Variants in LRP1 observed in about 807,000 individuals in gnomAD.
LRP1 encodes the protein LDL receptor related protein 1.
In LRP1, 51 loss-of-function variants were observed where a neutral mutation model predicts 541.5. The observed-to-expected ratio is 0.09, with a 90% CI of 0.08 to 0.12. The LOEUF (loss-of-function observed/expected upper bound fraction) is 0.12, where lower values mean the gene tolerates loss of function less well. LRP1 is among the 10% of genes least tolerant of loss of function. The pLI is 1.00. For synonymous variants in LRP1, 2,219 were observed against 2,470.8 expected (o/e 0.90, Z 3.02); for missense variants, 3,878 against 6,376.2 (o/e 0.61, Z 13.34).
In LRP1 at chr12:57,198,342, G is replaced by T; in HGVS notation, c.9469G>T (p.Gly3157Trp). 1 of 1,612,794 alleles carries T rather than the reference G, an allele frequency of 6.2e-7. No homozygotes were observed. The highest frequency in any genetic ancestry group is 1.1e-5 in the South Asian group (1 of 91,046). The change falls in exon 59 of 89, where the codon GGG becomes TGG. Residue 3157 changes from glycine to tryptophan, a missense_variant and splice_region_variant. Coordinates refer to ENST00000243077, the MANE Select transcript of LRP1 (RefSeq NM_002332.3). ...PRALVVDVQN[G>W]YLYWTDWGDH... is the part of the protein sequence containing the mutation. ...GGCTCTGGTGGTGGATGTGCAGAAT[G>T]GGTATGTGGCTGAGGAGGGTTGGGG...
intron 44 of LRP1, among the ~76,000 whole-genome samples, chr12:57,191,845 CA>C: frequency 7.0e-5 from 1 of 14,268 alleles, no homozygotes; most frequent in African/African-American, 3.3e-4. Flanking sequence ...ATACCACACA[CA>C]CACCACACAC....
At position 57,177,315 on chromosome 12, in the gene LRP1, C is replaced by A; in HGVS notation, c.4196+70C>A. The A allele has an allele frequency of 6.3e-7, 1 of 1,578,890 alleles. No individual in the cohort carries two copies. The highest frequency in any genetic ancestry group is 8.7e-7 in the Non-Finnish European group (1 of 1,153,888). ...AAGTCCCATTCAGCCTGGCCAGGGA[C>A]ACCTTACTCCTCAGTGCCATCTGCC... On this transcript the variant is annotated intron_variant, in intron 25 of 88. Coordinates refer to ENST00000243077, the MANE Select transcript of LRP1 (RefSeq NM_002332.3). The surrounding 1 kb of genome is among the most constrained non-coding windows in gnomAD (Gnocchi z 6.8).
chr12:57,187,573 C>A, intron 42 of LRP1, 117 bp downstream of exon 42: 2 of 995,064 alleles, frequency 2.0e-6, no homozygotes, highest in Non-Finnish European at 1.4e-6. Context: ...TTGAGCTCCA[C>A]CCTTCCCTGC....
rs374145178 is a variant in LRP1, at chr12:57,166,056, G to A, written c.2672-28G>A. ...GGAAGCTGGGGGCACCCAACTTCTC[G>A]CTGACCCCTGACTCATTCCCTCCCC... On this transcript the variant is annotated intron_variant, in intron 16 of 88. Coordinates refer to ENST00000243077, the MANE Select transcript of LRP1 (RefSeq NM_002332.3). 83 of 1,613,672 alleles carry A rather than the reference G, an allele frequency of 5.1e-5. No homozygotes were observed. In the African/African-American group the frequency reaches 8.1e-4, roughly 16 times the overall value.
rs12310686 is a variant in LRP1 at position 57,190,961 on chromosome 12, C to T, written c.7188C>T (p.Ala2396=). 2,580 of 1,613,072 alleles carry T rather than the reference C, an allele frequency of 1.6e-3. 38 individuals are homozygous for T. The African/African-American group carries it at 0.03, about 19-fold the overall frequency. ...HRAEKLYFSD[A]TLDKIERCEY... The stretch of plus-strand genomic sequence containing the variant: ...CCGAGAAGCTCTACTTCTCTGACGC[C>T]ACCCTGGACAAGATCGAGCGGTGCG... The change falls in exon 43 of 89, where the codon GCC becomes GCT. Residue 2396 remains alanine, a synonymous_variant. Coordinates refer to ENST00000243077, the MANE Select transcript of LRP1 (RefSeq NM_002332.3).
In LRP1 at chr12:57,184,889, C is replaced by T. The variant is rs200892627; in HGVS notation, c.6237C>T (p.Ile2079=). ...CDARTDKIER[I]DLETGENREV... ...CACGGACAGACAAGATTGAACGGAT[C>T]GACCTGGAGACAGGTGAGAACCGCG... Residue 2079 remains isoleucine (I), a synonymous_variant, in exon 39 of 89, where the codon ATC becomes ATT. Coordinates refer to ENST00000243077, the MANE Select transcript of LRP1 (RefSeq NM_002332.3). The surrounding 1 kb of genome is among the most constrained non-coding windows in gnomAD (Gnocchi z 7.8). The T allele has an allele frequency of 2.0e-5, 32 of 1,614,182 alleles. No homozygotes were observed. The highest frequency in any genetic ancestry group is 2.3e-5 in the Non-Finnish European group (27 of 1,180,020).
intron 50 of LRP1, 91 bp downstream of exon 50, chr12:57,194,790 C>A: frequency 6.9e-7 from 1 of 1,450,620 alleles, no homozygotes; most frequent in Non-Finnish European, 9.3e-7. Flanking sequence ...TGGAAAAGGG[C>A]ATCCAGAGCC....
Position 57,202,510 on chromosome 12 carries a change from G to A in LRP1, c.10684G>A (p.Gly3562Ser), listed in dbSNP as rs747929960. ...RWQCDYDNDC[G>S]DNSDEESCTP... ...GCAGTGCGACTACGACAACGATTGC[G>A]GTGACAACTCCGATGAAGAGAGCTG... Residue 3562 changes from glycine to serine, a missense_variant, in exon 68 of 89, where the codon GGT becomes AGT. Coordinates refer to ENST00000243077, the MANE Select transcript of LRP1 (RefSeq NM_002332.3). 1.4e-5 allele frequency: 22 copies of A among 1,612,990 alleles called. No individual in the cohort carries two copies. Among genetic ancestry groups the A allele is most frequent in the African/African-American group, 2.7e-5 (2 of 75,022 alleles).
chr12:57,177,238 C>T lies in LRP1; in HGVS notation c.4189C>T (p.Arg1397Trp). ...CCCAAGGGCAATCGCACTGGATCCCCGGGATGGGTGAGGACCTTGCCCAGC... is the reference window on the plus strand; with the variant it reads ...CCCAAGGGCAATCGCACTGGATCCCTGGGATGGGTGAGGACCTTGCCCAGC... ...EHPRAIALDP[R>W]DGILFWTDWD... The change falls in exon 25 of 89, where the codon CGG (arginine) becomes TGG (tryptophan). Residue 1397 changes from arginine (R) to tryptophan (W), a missense_variant. Transcript: ENST00000243077. The surrounding 1 kb of genome is among the most constrained non-coding windows in gnomAD (Gnocchi z 6.8). The T allele has an allele frequency of 2.5e-6, 4 of 1,614,018 alleles. No homozygotes were observed. Among genetic ancestry groups the T allele is most frequent in the Non-Finnish European group, 3.4e-6 (4 of 1,179,938 alleles).
rs528362170 is a variant in LRP1, at chr12:57,193,304, A to C, written c.7684A>C (p.Asn2562His). 1.1e-5 allele frequency: 17 copies of C among 1,611,088 alleles called. No individual in the cohort carries two copies. The African/African-American group carries it at 1.6e-4, about 15-fold the overall frequency. Residue 2562 changes from asparagine to histidine, a missense_variant and splice_region_variant, in exon 46 of 89, where the codon AAC (asparagine) becomes CAC (histidine). By Grantham distance (68) the Asn-to-His change is moderately conservative. Around this residue, in one of 13 missense-constraint regions of LRP1, gnomAD observed 1,100 missense variants for 1,827.4 expected, o/e 0.60. Coordinates refer to ENST00000243077, the MANE Select transcript of LRP1 (RefSeq NM_002332.3). ...DKSDEKPSYC[N>H]SRRCKKTFRQ... ...GTCCGATGAGAAGCCATCCTACTGCAGTAAGGAGCCCCCTGCAGCCCCTGC... is the reference window on the plus strand; with the variant it reads ...GTCCGATGAGAAGCCATCCTACTGCCGTAAGGAGCCCCCTGCAGCCCCTGC...
chr12:57,134,849 G>A (rs551025822), intron 1 of LRP1, among the ~76,000 whole-genome samples: 1 of 152,258 alleles, frequency 6.6e-6, no homozygotes, highest in Admixed American at 6.5e-5. Context: ...GGGACTACAG[G>A]CGCCTGCCAC....
chr12:57,133,137 G>C (rs1256155960), intron 1 of LRP1, among the ~76,000 whole-genome samples: 1 of 152,152 alleles, frequency 6.6e-6, no homozygotes, highest in Non-Finnish European at 1.5e-5. Context: ...CTAAGAACTG[G>C]AGAAAGATGT....
rs2036463944 is a variant in LRP1 at position 57,193,656 on chromosome 12, G to A, written c.7775G>A (p.Gly2592Glu). The A allele has an allele frequency of 6.2e-7, 1 of 1,614,200 alleles. No individual in the cohort carries two copies. The highest frequency in any genetic ancestry group is 8.5e-7 in the Non-Finnish European group (1 of 1,180,038). The change falls in exon 47 of 89, where the codon GGG (glycine) becomes GAG (glutamate). Residue 2592 changes from glycine (G) to glutamate (E), a missense_variant. Physicochemically the swap from Gly to Glu is moderately conservative, Grantham distance 98. Transcript: ENST00000243077. ...TGGTGCAACGGGGCCGACGACTGTG[G>A]GGATGGCTCTGACGAGATCCCTTGC... Reference protein sequence around the residue: ...MLWCNGADDCGDGSDEIPCNK... With the variant: ...MLWCNGADDCEDGSDEIPCNK...
chr12:57,132,445 G>A (rs1005742078), intron 1 of LRP1, among the ~76,000 whole-genome samples: 2 of 152,138 alleles, frequency 1.3e-5, no homozygotes, highest in African/African-American at 4.8e-5. Flanking sequence ...TCTCCCTTGA[G>A]TCAGGCACTG....
At chr12:57,210,596 C>T in intron 82 of LRP1, 116 bp downstream of exon 82, 1 of 1,448,498 alleles carries the variant, frequency 6.9e-7, no homozygotes, top group Non-Finnish European at 9.4e-7. Context: ...CTCCTTTCCA[C>T]AACCCAGCAT....
chr12:57,144,847 A>G (rs1040405340), intron 4 of LRP1, 125 bp from the exon 5 acceptor site: 4 of 949,440 alleles, frequency 4.2e-6, no homozygotes, highest in Non-Finnish European at 6.6e-6. Context: ...ATGCTGTAAT[A>G]GATTCTGCCG....
At chr12:57,203,764 G>A (rs1322898299) in intron 70 of LRP1, 1 of 496,448 alleles carries the variant, frequency 2.0e-6, no homozygotes, top group Non-Finnish European at 3.4e-6. Flanking sequence ...CTAGTCTAGG[G>A]GACCAGTTGA....
chr12:57,143,883 G>A (rs1390800094), intron 4 of LRP1, 85 bp downstream of exon 4: 147 of 1,465,446 alleles, frequency 1.0e-4, no homozygotes, highest in Non-Finnish European at 1.3e-4. Context: ...GGGGTAGGGG[G>A]CCTGGCTGGA....
At position 57,154,763 on chromosome 12, in the gene LRP1, G is replaced by C; in HGVS notation, c.1227+62G>C. On this transcript the variant is annotated intron_variant, in intron 8 of 88. Transcript: ENST00000243077. This position sits in a 1 kb window ranked among gnomAD's most constrained non-coding sequence, Gnocchi z 4.6. ...CATGATCCAGGGCCTTCTGGTGAGG[G>C]GGGAAGCCTCTGTAGGGGAACCGTT... The C allele has an allele frequency of 6.9e-7, 1 of 1,455,098 alleles. No individual in the cohort carries two copies. The highest frequency in any genetic ancestry group is 1.4e-5 in the African/African-American group (1 of 71,162). The allele number at this position is 1,455,098 out of a possible 1,614,324, so 90.1% of individuals were successfully genotyped here.
Sources: allele counts gnomAD v4.1 joint callset (sites outside exome capture counted in the v4.1 genomes callset), GRCh38; gene constraint gnomAD v4.1.1; regional missense constraint gnomAD v4.1.1; non-coding constraint Gnocchi (gnomAD v3.1); transcripts MANE v1.5; gene names NCBI Gene and HGNC (gene_info 2026-07-23, HGNC 2026-07-21).